Variants in EPS15 observed in about 807,000 individuals in gnomAD.
EPS15 encodes the protein epidermal growth factor receptor substrate 15.
Under a neutral mutation model 113.8 loss-of-function variants are expected in EPS15, and 72 were observed. That is an observed-to-expected ratio of 0.63 (90% CI 0.52 to 0.77). The LOEUF is 0.77. Among genes scored for constraint, EPS15 ranks in the 30% least tolerant of loss-of-function variants. EPS15 has a pLI of 0.00. For missense variants in EPS15, 1,048 were observed against 1,045.8 expected (o/e 1.00, Z -0.03); for synonymous variants, 344 against 363.4 (o/e 0.95, Z 0.61).
chr1:51,432,659 A>G (rs192603009), intron 12 of EPS15, among the ~76,000 whole-genome samples: 155 of 152,320 alleles, frequency 1.0e-3, no homozygotes, highest in Non-Finnish European at 1.9e-3. Flanking sequence ...TGGACTAGCC[A>G]TATTTCAAGT....
Position 51,472,965 on chromosome 1 carries a change from C to A in EPS15, c.76-17G>T, listed in dbSNP as rs932451132. The A allele has an allele frequency of 2.2e-5, 35 of 1,595,294 alleles. No homozygotes were observed. The highest frequency in any genetic ancestry group is 3.0e-5 in the Non-Finnish European group (35 of 1,163,928). On this transcript the variant is annotated splice_polypyrimidine_tract_variant and intron_variant, in intron 2 of 24. Coordinates refer to ENST00000371733, the MANE Select transcript of EPS15 (RefSeq NM_001981.3). ...TGTATCAACCTGAAAAGATACAAAT[C>A]CGTAAGTTGACAACAAAATACAAAA...
intron 12 of EPS15, among the ~76,000 whole-genome samples, chr1:51,431,027 C>CACACACACACACACAA (rs1491306539): frequency 1.0e-5 from 1 of 96,038 alleles, no homozygotes; most frequent in Non-Finnish European, 2.1e-5. Context: ...CACACACACA[C>CACACACACACACACAA]AAAAATAAAA....
At chr1:51,379,098 A>G (rs2148376808) in intron 21 of EPS15, among the ~76,000 whole-genome samples, 1 of 152,300 alleles carries the variant, frequency 6.6e-6, no homozygotes, top group Non-Finnish European at 1.5e-5. Flanking sequence ...AAACTGACTC[A>G]TCATGCAGAA....
intron 21 of EPS15, among the ~76,000 whole-genome samples, chr1:51,393,044 A>G (rs2405700): frequency 0.3 from 45,522 of 152,090 alleles, 9,150 homozygotes; most frequent in African/African-American, 0.57. Context: ...CTAAGTTTCT[A>G]TTTAAATCAA....
intron 16 of EPS15, 75 bp downstream of exon 16, chr1:51,405,830 T>A (rs1230904969): frequency 8.2e-6 from 10 of 1,213,916 alleles, no homozygotes. Flanking sequence ...TGTATTTATA[T>A]TAGATATAAT....
intron 1 of EPS15, among the ~76,000 whole-genome samples, chr1:51,492,967 C>T (rs894889252): frequency 8.5e-5 from 13 of 152,200 alleles, no homozygotes; most frequent in African/African-American, 2.9e-4. Context: ...GTGGCTCACG[C>T]CTGTAATCCC....
At chr1:51,472,758 T>G in intron 3 of EPS15, 101 bp downstream of exon 3, 1 of 874,310 alleles carries the variant, frequency 1.1e-6, no homozygotes. Context: ...CGGTTCTAAC[T>G]TCTAAATTTC....
chr1:51,378,275 C>G (rs1646851232), intron 21 of EPS15, among the ~76,000 whole-genome samples: 1 of 151,946 alleles, frequency 6.6e-6, no homozygotes, highest in African/African-American at 2.4e-5. Flanking sequence ...TTACTGCACA[C>G]TTAATAGACC....
At chr1:51,465,415 C>G (rs980858336) in intron 5 of EPS15, 89 bp from the exon 6 acceptor site, 2 of 772,324 alleles carry the variant, frequency 2.6e-6, no homozygotes, top group Middle Eastern at 4.6e-4. Flanking sequence ...TAAATATGTT[C>G]ACACAAAATG....
At chr1:51,369,513 A>G (rs906146113) in intron 21 of EPS15, among the ~76,000 whole-genome samples, 4 of 152,232 alleles carry the variant, frequency 2.6e-5, no homozygotes, top group African/African-American at 9.6e-5. Flanking sequence ...CCAAAGAATA[A>G]AGGTAATGAA....
At chr1:51,431,029 A>ACACAC (rs1557462703) in intron 12 of EPS15, among the ~76,000 whole-genome samples, 4 of 107,632 alleles carry the variant, frequency 3.7e-5, no homozygotes, top group South Asian at 2.4e-4. Context: ...CACACACACA[A>ACACAC]AAATAAAACT....
At chr1:51,437,789 C>A (rs1652279489) in intron 12 of EPS15, among the ~76,000 whole-genome samples, 1 of 152,062 alleles carries the variant, frequency 6.6e-6, no homozygotes, top group Admixed American at 6.6e-5. Flanking sequence ...AGCCCCTGGA[C>A]TAAAACTAAG....
intron 6 of EPS15, among the ~76,000 whole-genome samples, chr1:51,464,661 C>A (rs1453166011): frequency 1.3e-5 from 2 of 152,092 alleles, no homozygotes; most frequent in Admixed American, 6.6e-5. Context: ...ATTAGTGTAA[C>A]ATGAAAAACT....
At chr1:51,421,681 T>C (rs1261447742) in intron 13 of EPS15, 105 bp downstream of exon 13, 1 of 550,234 alleles carries the variant, frequency 1.8e-6, no homozygotes, top group Non-Finnish European at 3.0e-6. Context: ...ACATTAGGCA[T>C]TCTCTTGACC....
chr1:51,440,331 A>C lies in EPS15; in HGVS notation c.1040+16T>G. On this transcript the variant is annotated intron_variant, in intron 12 of 24. Coordinates refer to ENST00000371733, the MANE Select transcript of EPS15 (RefSeq NM_001981.3). ...TGTGTGTGTATGTGAGTAGGCTGTA[A>C]TTTTGCTTTACATACCTCTGTAGGT... 2.5e-6 allele frequency: 3 copies of C among 1,208,462 alleles called. No individual in the cohort carries two copies. The highest frequency in any genetic ancestry group is 3.6e-6 in the Non-Finnish European group (3 of 839,034). 74.9% of individuals were successfully genotyped at this position (1,208,462 alleles called of 1,614,324 possible).
At chr1:51,479,816 G>A (rs142197426) in intron 2 of EPS15, among the ~76,000 whole-genome samples, 3 of 152,236 alleles carry the variant, frequency 2.0e-5, no homozygotes, top group South Asian at 2.1e-4. Flanking sequence ...TATGTGGCAC[G>A]AACATCACAA....
intron 1 of EPS15, among the ~76,000 whole-genome samples, chr1:51,497,547 C>T (rs947514702): frequency 3.3e-5 from 5 of 152,118 alleles, no homozygotes; most frequent in African/African-American, 1.2e-4. Context: ...ATTAATCAGC[C>T]AAGCAAGGCA....
intron 2 of EPS15, among the ~76,000 whole-genome samples, chr1:51,475,796 G>A (rs535043937): frequency 6.6e-6 from 1 of 152,182 alleles, no homozygotes; most frequent in East Asian, 1.9e-4. Flanking sequence ...TTTCTTCTAG[G>A]GTTTTTATGG....
At chr1:51,488,650 T>C (rs531378224) in intron 1 of EPS15, among the ~76,000 whole-genome samples, 2 of 152,142 alleles carry the variant, frequency 1.3e-5, no homozygotes, top group Non-Finnish European at 2.9e-5. Flanking sequence ...AGTGCAGTGA[T>C]ACAATCACAC....
Sources: allele counts gnomAD v4.1 joint callset (sites outside exome capture counted in the v4.1 genomes callset), GRCh38; gene constraint gnomAD v4.1.1; transcripts MANE v1.5; gene names NCBI Gene and HGNC (gene_info 2026-07-23, HGNC 2026-07-21).